Variants in SLC16A4 observed in about 807,000 individuals in gnomAD.
The protein encoded by SLC16A4 is solute carrier family 16 member 4.
A neutral mutation model predicts 47.9 loss-of-function variants in SLC16A4; 39 were observed. The observed-to-expected ratio is 0.81, with a 90% CI of 0.63 to 1.06. The LOEUF is 1.06. SLC16A4 is among the 50% of genes least tolerant of loss of function. SLC16A4 has a pLI of 0.00. For missense variants in SLC16A4, 524 were observed against 573.8 expected (o/e 0.91, Z 0.89); for synonymous variants, 189 against 199.9 (o/e 0.95, Z 0.46).
chr1:110,382,831 T>C lies in SLC16A4; in HGVS notation c.220+3A>G, dbSNP rs1392343768. 1 of 1,597,864 alleles carries C rather than the reference T, an allele frequency of 6.3e-7. No individual in the cohort carries two copies. The highest frequency in any genetic ancestry group is 1.7e-5 in the Admixed American group (1 of 58,342). ...GACAGCAAGCTTATTGCCAGCTTTA[T>C]ACCTGCACAAAAACGAAGAGATGAC... On this transcript the variant is annotated splice_donor_region_variant and intron_variant, in intron 3 of 8. Transcript: ENST00000369779.
chr1:110,372,001 A>C (rs1237067927), intron 8 of SLC16A4: 1 of 151,878 alleles, frequency 6.6e-6, no homozygotes, highest in East Asian at 1.9e-4. Flanking sequence ...GAGGTGTGTA[A>C]TTTTCTTGCC....
chr1:110,365,989 A>C (rs1661355949), intron 8 of SLC16A4, among the ~76,000 whole-genome samples: 2 of 151,856 alleles, frequency 1.3e-5, no homozygotes, highest in Admixed American at 1.3e-4. Flanking sequence ...GACTGGATCT[A>C]AGTTACCCAC....
chr1:110,380,886 G>T, intron 5 of SLC16A4, 96 bp downstream of exon 5: 2 of 1,067,716 alleles, frequency 1.9e-6, no homozygotes, highest in Non-Finnish European at 2.8e-6. Context: ...TTGTGAAATC[G>T]ATTGCTCTGA....
chr1:110,382,956 A>G lies in SLC16A4; in HGVS notation c.98T>C (p.Phe33Ser). Residue 33 changes from phenylalanine (F) to serine (S), a missense_variant, in exon 3 of 9, where the codon TTT becomes TCT. Coordinates refer to ENST00000369779, the MANE Select transcript of SLC16A4 (RefSeq NM_004696.3). ...IVIHFFLVNV[F>S]VMGMTKTFAI... ...AAAAGTCTTGGTCATCCCCATCACAAACACATTCACCTAAATCAAAGCAGA... is the reference window on the plus strand; with the variant it reads ...AAAAGTCTTGGTCATCCCCATCACAGACACATTCACCTAAATCAAAGCAGA... The G allele has an allele frequency of 1.2e-6, 2 of 1,609,254 alleles. No individual in the cohort carries two copies. The highest frequency in any genetic ancestry group is 2.2e-5 in the South Asian group (2 of 90,592).
chr1:110,388,490 A>G (rs7556440), intron 2 of SLC16A4, among the ~76,000 whole-genome samples: 119,393 of 152,072 alleles, frequency 0.79, 47,037 homozygotes, highest in African/African-American at 0.84. Context: ...CCTTATCGGT[A>G]GAAGGGGCTG....
At position 110,377,100 on chromosome 1, in the gene SLC16A4, C is replaced by A. The variant is rs556902022; in HGVS notation, c.1092G>T (p.Lys364Asn). Residue 364 changes from lysine to asparagine, a missense_variant, in exon 7 of 9, where the codon AAG (lysine) becomes AAT (asparagine). Transcript: ENST00000369779. The stretch of plus-strand genomic sequence containing the variant: ...GGTAAGACTTGTGGTAATGATACTT[C>A]TTAATCCAGTTTTGATCAGCAACCC... ...SGWVADQNWI[K>N]KYHYHKSYLI... The A allele has an allele frequency of 6.2e-7, 1 of 1,614,124 alleles. No homozygotes were observed. Among genetic ancestry groups the A allele is most frequent in the South Asian group, 1.1e-5 (1 of 91,084 alleles).
At chr1:110,377,979 G>A (rs979858398) in intron 6 of SLC16A4, among the ~76,000 whole-genome samples, 1 of 151,984 alleles carries the variant, frequency 6.6e-6, no homozygotes, top group Non-Finnish European at 1.5e-5. Flanking sequence ...ACAGGCGCCC[G>A]CAACCACGCC....
intron 6 of SLC16A4, 36 bp downstream of exon 6, chr1:110,378,817 T>C: frequency 1.9e-6 from 3 of 1,545,010 alleles, no homozygotes; most frequent in South Asian, 2.5e-5. Flanking sequence ...AGTTGATCTT[T>C]CCTTTTGGGT....
chr1:110,376,878 T>A, intron 7 of SLC16A4, 72 bp downstream of exon 7: 3 of 1,235,186 alleles, frequency 2.4e-6, no homozygotes, highest in Non-Finnish European at 3.4e-6. Context: ...AAAATACGTA[T>A]TTTGGGGAGA....
chr1:110,364,499 CTTTT>C (rs34416973), intron 8 of SLC16A4, among the ~76,000 whole-genome samples: 16 of 104,672 alleles, frequency 1.5e-4, no homozygotes, highest in African/African-American at 1.1e-4. Flanking sequence ...AATCTAAATG[CTTTT>C]TTTTTTTTTT....
chr1:110,383,766 GTGT>G (rs1295476607), intron 2 of SLC16A4, among the ~76,000 whole-genome samples: 3 of 101,968 alleles, frequency 2.9e-5, no homozygotes, highest in African/African-American at 1.3e-4. Context: ...CAGGAAGGAA[GTGT>G]TTTTTTTTTT....
At chr1:110,375,606 C>A (rs1344709898) in intron 7 of SLC16A4, 55 bp from the exon 8 acceptor site, 6 of 955,672 alleles carry the variant, frequency 6.3e-6, no homozygotes, top group Non-Finnish European at 1.0e-5. Flanking sequence ...TCTATAGAGA[C>A]CTATGCCTAA....
rs780749636 is a variant in SLC16A4, at chr1:110,375,446, TGAA to T, written c.1336+9_1336+11del. ...CTATTGAAATTTGTTCAGAATGTGG[TGAA>T]GGTGTTACCTGCTATAGGTGGTCCA... is the stretch of plus-strand genomic sequence containing the variant. On this transcript the variant is annotated intron_variant, in intron 8 of 8. Transcript: ENST00000369779. 1 of 1,532,418 alleles carries T rather than the reference TGAA, an allele frequency of 6.5e-7. No homozygotes were observed. Among genetic ancestry groups the T allele is most frequent in the Non-Finnish European group, 9.0e-7 (1 of 1,105,544 alleles). The allele number at this position is 1,532,418 out of a possible 1,614,324, so 94.9% of individuals were successfully genotyped here.
chr1:110,368,499 T>C (rs891863101), intron 8 of SLC16A4, among the ~76,000 whole-genome samples: 1 of 152,242 alleles, frequency 6.6e-6, no homozygotes, highest in African/African-American at 2.4e-5. Context: ...CACTGGATTC[T>C]GTCAAGCATA....
At chr1:110,376,645 TCTGGAGC>T (rs1345147397) in intron 7 of SLC16A4, among the ~76,000 whole-genome samples, 1 of 152,190 alleles carries the variant, frequency 6.6e-6, no homozygotes, top group Non-Finnish European at 1.5e-5. Flanking sequence ...CAAACAAGTT[TCTGGAGC>T]TGAAGGAGAG....
intron 8 of SLC16A4, among the ~76,000 whole-genome samples, chr1:110,374,505 A>T (rs182268254): frequency 6.6e-6 from 1 of 152,276 alleles, no homozygotes; most frequent in Non-Finnish European, 1.5e-5. Context: ...TAGAAATGTC[A>T]TAGTAATTTG....
intron 8 of SLC16A4, among the ~76,000 whole-genome samples, chr1:110,366,367 C>T (rs1359969666): frequency 2.0e-5 from 3 of 152,058 alleles, no homozygotes; most frequent in Non-Finnish European, 4.4e-5. Context: ...GCCATGTTGG[C>T]CAGGTTGGTC....
At chr1:110,381,446 C>G (rs955178663) in intron 4 of SLC16A4, among the ~76,000 whole-genome samples, 2 of 152,154 alleles carry the variant, frequency 1.3e-5, no homozygotes, top group African/African-American at 4.8e-5. Flanking sequence ...CTCAGCTTCC[C>G]AAATAGCTGG....
chr1:110,365,654 T>C (rs991281908), intron 8 of SLC16A4, among the ~76,000 whole-genome samples: 5 of 152,178 alleles, frequency 3.3e-5, no homozygotes, highest in African/African-American at 1.2e-4. Context: ...TTGTAGACAT[T>C]TCTAGAAAGG....
Sources: gnomAD v4.1 joint callset for allele counts (sites outside exome capture counted in the v4.1 genomes callset) on GRCh38, gnomAD v4.1.1 for gene constraint, MANE v1.5 for transcripts, NCBI Gene and HGNC (gene_info 2026-07-23, HGNC 2026-07-21) for gene names.